SNRNP40: variants seen among roughly 807,000 people sequenced by gnomAD.
SNRNP40 encodes small nuclear ribonucleoprotein U5 subunit 40, also known as U5 small nuclear ribonucleoprotein 40 kDa protein.
SNRNP40 carries 21 observed loss-of-function variants against 45.8 expected under a neutral mutation model. That is an observed-to-expected ratio of 0.46 (90% CI 0.32 to 0.66). SNRNP40 has a LOEUF of 0.66. SNRNP40 is among the 30% of genes least tolerant of loss of function. The pLI, the probability that SNRNP40 is intolerant of heterozygous loss-of-function variation, is 0.03. For synonymous variants in SNRNP40, 142 were observed against 163.8 expected (o/e 0.87, Z 1.01); for missense variants, 344 against 439.1 (o/e 0.78, Z 1.94).
intron 5 of SNRNP40, among the ~76,000 whole-genome samples, chr1:31,274,844 C>A (rs934559771): frequency 7.2e-5 from 11 of 152,106 alleles, no homozygotes; most frequent in African/African-American, 2.7e-4. Context: ...TATCTGCTCA[C>A]AAATATACAC....
chr1:31,273,640 C>A (rs78691585), intron 5 of SNRNP40, among the ~76,000 whole-genome samples: 2 of 148,946 alleles, frequency 1.3e-5, no homozygotes, highest in Non-Finnish European at 1.5e-5. Context: ...AACTCTGTCT[C>A]AAAAAAAAAA....
intron 8 of SNRNP40, among the ~76,000 whole-genome samples, chr1:31,262,521 C>CAAAAAAAAAAAAA (rs57503418): frequency 2.5e-5 from 1 of 40,618 alleles, no homozygotes; most frequent in Non-Finnish European, 4.9e-5. Context: ...ACTCCATCTC[C>CAAAAAAAAAAAAA]AAAAAAAAAA....
At chr1:31,286,547 C>T (rs968849121) in intron 4 of SNRNP40, among the ~76,000 whole-genome samples, 3 of 152,226 alleles carry the variant, frequency 2.0e-5, no homozygotes, top group African/African-American at 7.2e-5. Context: ...CATCATCTTG[C>T]TCAGTCTCAG....
intron 4 of SNRNP40, among the ~76,000 whole-genome samples, chr1:31,283,078 C>T (rs763932138): frequency 6.6e-6 from 1 of 152,136 alleles, no homozygotes; most frequent in African/African-American, 2.4e-5. Context: ...AGGCTCTGCA[C>T]AAGCAGGAAG....
intron 7 of SNRNP40, among the ~76,000 whole-genome samples, chr1:31,268,751 G>A (rs1219606769): frequency 6.6e-6 from 1 of 152,226 alleles, no homozygotes; most frequent in African/African-American, 2.4e-5. Context: ...TGAGGGAAGA[G>A]ATGTATTCTT....
At chr1:31,261,756 T>C (rs1645860689) in intron 8 of SNRNP40, 124 bp from the exon 9 acceptor site, 1 of 616,932 alleles carries the variant, frequency 1.6e-6, no homozygotes, top group Non-Finnish European at 2.9e-6. Context: ...TGAACCATGT[T>C]CTGGCTTTTA....
At chr1:31,269,042 T>C (rs1002645269) in intron 7 of SNRNP40, 116 bp downstream of exon 7, 2 of 909,160 alleles carry the variant, frequency 2.2e-6, no homozygotes, top group Non-Finnish European at 3.2e-6. Context: ...TTAAGAGCAG[T>C]GTTATTGGAA....
At chr1:31,286,483 C>G (rs1646060284) in intron 4 of SNRNP40, among the ~76,000 whole-genome samples, 1 of 152,070 alleles carries the variant, frequency 6.6e-6, no homozygotes, top group East Asian at 1.9e-4. Flanking sequence ...GTGTGAACAC[C>G]CTCATCACTC....
At chr1:31,279,704 G>A (rs923279265) in intron 5 of SNRNP40, among the ~76,000 whole-genome samples, 16 of 151,602 alleles carry the variant, frequency 1.1e-4, no homozygotes, top group African/African-American at 3.9e-4. Context: ...CCAAGATCAC[G>A]CCACTGCATT....
intron 3 of SNRNP40, among the ~76,000 whole-genome samples, chr1:31,290,705 A>AT (rs1646099189): frequency 6.6e-6 from 1 of 151,738 alleles, no homozygotes. Flanking sequence ...GTGAAACCCC[A>AT]TCTCTATTAA....
Position 31,296,597 on chromosome 1 carries a change from GCTT to G in SNRNP40, c.141+11_141+13del. ...ATGAGCTGAGGGCCAAAGGCCGCCT[GCTT>G]CTTCACTTACCGCTTGCAGCAAGGC... On this transcript the variant is annotated intron_variant, in intron 1 of 9. Coordinates refer to ENST00000263694, the MANE Select transcript of SNRNP40 (RefSeq NM_004814.3). The G allele has an allele frequency of 6.2e-7, 1 of 1,604,516 alleles. No homozygotes were observed. The highest frequency in any genetic ancestry group is 2.2e-5 in the East Asian group (1 of 44,790).
At chr1:31,287,228 C>G (rs1425844533) in intron 4 of SNRNP40, among the ~76,000 whole-genome samples, 1 of 151,868 alleles carries the variant, frequency 6.6e-6, no homozygotes, top group Non-Finnish European at 1.5e-5. Flanking sequence ...AAGTACATTG[C>G]AAAAAGCTGT....
At chr1:31,282,497 A>G (rs1383848159) in intron 4 of SNRNP40, 1 of 151,504 alleles carries the variant, frequency 6.6e-6, no homozygotes, top group Non-Finnish European at 1.5e-5. Context: ...CTATCTATCT[A>G]TCTATCTATC....
At chr1:31,293,846 T>C (rs779048413) in intron 1 of SNRNP40, among the ~76,000 whole-genome samples, 28 of 152,114 alleles carry the variant, frequency 1.8e-4, no homozygotes, top group African/African-American at 5.6e-4. Flanking sequence ...ACTAAGATTA[T>C]AGGAATGAGC....
intron 1 of SNRNP40, among the ~76,000 whole-genome samples, chr1:31,296,042 G>A (rs1646151480): frequency 6.6e-6 from 1 of 152,212 alleles, no homozygotes; most frequent in African/African-American, 2.4e-5. Context: ...TACTTGGTAA[G>A]TCTGTTTTTC....
At chr1:31,267,597 G>A (rs897115783) in intron 8 of SNRNP40, among the ~76,000 whole-genome samples, 31 of 152,246 alleles carry the variant, frequency 2.0e-4, no homozygotes, top group Non-Finnish European at 4.1e-4. Context: ...GTGCAACGGC[G>A]TGATCTCGGC....
chr1:31,262,147 C>A (rs750901623), intron 8 of SNRNP40, among the ~76,000 whole-genome samples: 1 of 152,154 alleles, frequency 6.6e-6, no homozygotes, highest in Non-Finnish European at 1.5e-5. Flanking sequence ...TAACCTAATA[C>A]TCACTTGAGC....
At chr1:31,288,729 G>A (rs576456566) in intron 4 of SNRNP40, among the ~76,000 whole-genome samples, 3 of 149,550 alleles carry the variant, frequency 2.0e-5, no homozygotes, top group South Asian at 2.1e-4. Flanking sequence ...TGAAAGACAC[G>A]TATATTACTG....
intron 5 of SNRNP40, among the ~76,000 whole-genome samples, chr1:31,277,400 A>G (rs1206238769): frequency 6.6e-6 from 1 of 152,214 alleles, no homozygotes; most frequent in African/African-American, 2.4e-5. Context: ...TTTTATTACT[A>G]AATCTATTTT....
Sources: allele counts gnomAD v4.1 joint callset (sites outside exome capture counted in the v4.1 genomes callset), GRCh38; gene constraint gnomAD v4.1.1; transcripts MANE v1.5; gene names NCBI Gene and HGNC (gene_info 2026-07-23, HGNC 2026-07-21).